Variants in DNAI1 observed in about 807,000 individuals in gnomAD.
DNAI1 encodes the protein dynein, axonemal, intermediate polypeptide 1.
In DNAI1, 67 loss-of-function variants were observed where a neutral mutation model predicts 92.0. The observed-to-expected ratio is 0.73, with a 90% CI of 0.60 to 0.89. DNAI1 has a LOEUF of 0.89. DNAI1 is among the 40% of genes least tolerant of loss of function. DNAI1 has a pLI of 0.00. For synonymous variants in DNAI1, 323 were observed against 319.6 expected, an observed-to-expected ratio of 1.01 and a Z score of -0.11; for missense variants, 839 against 866.6, an observed-to-expected ratio of 0.97 and a Z score of 0.40.
chr9:34,512,482 G>T lies in DNAI1; in HGVS notation c.1489+58G>T, dbSNP rs533372419. 7 of 1,526,292 alleles carry T rather than the reference G, an allele frequency of 4.6e-6. No individual in the cohort carries two copies. The African/African-American group carries it at 6.8e-5, about 15-fold the overall frequency. The allele number at this position is 1,526,292 out of a possible 1,614,324, so 94.5% of individuals were successfully genotyped here. A position where few individuals can be genotyped will look rare whatever the true frequency, so the allele number is the denominator to read the frequency against. ...GGCCAGGTCATTCAGGCCCAGTGAG[G>T]GTCAGTGACAGTGGTCCTTCCCCTG... On this transcript the variant is annotated intron_variant, in intron 15 of 19. Transcript: ENST00000242317.
intron 9 of DNAI1, among the ~76,000 whole-genome samples, chr9:34,495,254 T>G (rs1343854699): frequency 6.6e-6 from 1 of 151,822 alleles, no homozygotes; most frequent in African/African-American, 2.4e-5. Context: ...ACAAGGGAGG[T>G]GACAGCCCAC....
chr9:34,494,274 A>G (rs1042730896), intron 9 of DNAI1, among the ~76,000 whole-genome samples: 1 of 152,106 alleles, frequency 6.6e-6, no homozygotes, highest in Non-Finnish European at 1.5e-5. Context: ...ATTCTGTTTC[A>G]TTATCCTGAT....
intron 1 of DNAI1, among the ~76,000 whole-genome samples, chr9:34,468,530 TAAA>T (rs1000161908): frequency 6.6e-6 from 1 of 151,478 alleles, no homozygotes; most frequent in African/African-American, 2.4e-5. Context: ...GTTTTTCTTG[TAAA>T]AAGAGAGCCT....
At chr9:34,507,053 G>C (rs1824949177) in intron 13 of DNAI1, among the ~76,000 whole-genome samples, 179 bp downstream of exon 13, 1 of 152,204 alleles carries the variant, frequency 6.6e-6, no homozygotes, top group Non-Finnish European at 1.5e-5. Flanking sequence ...GGAGGCAAGA[G>C]GGTCTCCAGT....
intron 13 of DNAI1, among the ~76,000 whole-genome samples, chr9:34,509,347 C>T (rs890871491): frequency 6.6e-6 from 1 of 152,154 alleles, no homozygotes. Flanking sequence ...TTGAAGCACC[C>T]TGCACTTATC....
Position 34,520,819 on chromosome 9 carries a change from A to G in DNAI1, c.*63A>G. The G allele has an allele frequency of 6.7e-7, 1 of 1,502,080 alleles. No homozygotes were observed. Among genetic ancestry groups the G allele is most frequent in the Non-Finnish European group, 9.1e-7 (1 of 1,102,402 alleles). 93.0% of individuals were successfully genotyped at this position (1,502,080 alleles called of 1,614,324 possible). A position where few individuals can be genotyped will look rare whatever the true frequency, so the allele number is the denominator to read the frequency against. The stretch of plus-strand genomic sequence containing the variant: ...AGTACTCCTAGGGCTTGACCCTGGT[A>G]CCCAGCCCAGCCTTAGCACCCAGCA... On this transcript the variant is annotated 3_prime_UTR_variant, in exon 20 of 20. Transcript: ENST00000242317.
chr9:34,512,492 A>G, intron 15 of DNAI1, 68 bp downstream of exon 15: 1 of 1,472,296 alleles, frequency 6.8e-7, no homozygotes, highest in East Asian at 2.3e-5. Context: ...GGTCAGTGAC[A>G]GTGGTCCTTC....
intron 1 of DNAI1, among the ~76,000 whole-genome samples, chr9:34,466,503 C>G (rs1211375098): frequency 2.0e-5 from 3 of 152,188 alleles, no homozygotes; most frequent in Non-Finnish European, 4.4e-5. Context: ...CCCAAGTCTT[C>G]TCTTCTCTTT....
chr9:34,504,859 T>G (rs1824894568), intron 12 of DNAI1, among the ~76,000 whole-genome samples: 1 of 152,190 alleles, frequency 6.6e-6, no homozygotes, highest in African/African-American at 2.4e-5. Flanking sequence ...GGGGAATTTT[T>G]GTTCCTGGAG....
chr9:34,467,079 T>C (rs924046344), intron 1 of DNAI1, among the ~76,000 whole-genome samples: 5 of 152,204 alleles, frequency 3.3e-5, no homozygotes, highest in Non-Finnish European at 7.3e-5. Flanking sequence ...GCTCAGCTCC[T>C]CCAGTGGAAG....
chr9:34,493,437 A>T, intron 9 of DNAI1, 109 bp downstream of exon 9: 1 of 1,443,586 alleles, frequency 6.9e-7, no homozygotes, highest in Admixed American at 1.7e-5. Flanking sequence ...TACTTAAATC[A>T]GGGACTAATG....
At chr9:34,520,427 G>A (rs900702851) in intron 19 of DNAI1, among the ~76,000 whole-genome samples, 3 of 152,176 alleles carry the variant, frequency 2.0e-5, no homozygotes, top group African/African-American at 4.8e-5. Context: ...GTCCATCTGA[G>A]GTTCAAGCCA....
At position 34,517,146 on chromosome 9, in the gene DNAI1, C is replaced by T. The variant is rs998586797; in HGVS notation, c.1819-139C>T. ...GAAAAACACAGAGACACAAAATTCC[C>T]CCTCCCTCCACCTCCAGCTCCAGTG... On this transcript the variant is annotated intron_variant, in intron 18 of 19. Coordinates refer to ENST00000242317, the MANE Select transcript of DNAI1 (RefSeq NM_012144.4). The T allele has an allele frequency of 1.4e-5, 12 of 866,278 alleles. No individual in the cohort carries two copies. The East Asian group carries it at 3.2e-4, about 23-fold the overall frequency. 53.7% of individuals were successfully genotyped at this position (866,278 alleles called of 1,614,324 possible).
chr9:34,468,783 G>GC (rs1824087003), intron 1 of DNAI1, among the ~76,000 whole-genome samples: 1 of 151,300 alleles, frequency 6.6e-6, no homozygotes, highest in Admixed American at 6.6e-5. Flanking sequence ...CTGCGGCTGT[G>GC]CCACTGCAAA....
intron 1 of DNAI1, among the ~76,000 whole-genome samples, chr9:34,482,394 A>C (rs1211534284): frequency 1.4e-5 from 2 of 148,086 alleles, no homozygotes; most frequent in Non-Finnish European, 3.0e-5. Flanking sequence ...GCACGTCCTC[A>C]CCAGAGCAGC....
chr9:34,478,342 A>G (rs1403140024), intron 1 of DNAI1, among the ~76,000 whole-genome samples: 2 of 152,176 alleles, frequency 1.3e-5, no homozygotes, highest in Non-Finnish European at 2.9e-5. Context: ...ATCCCTGGAG[A>G]GGTCAAGGAT....
intron 1 of DNAI1, among the ~76,000 whole-genome samples, chr9:34,483,014 G>A (rs527472356): frequency 2.5e-4 from 38 of 152,348 alleles, no homozygotes; most frequent in Non-Finnish European, 4.4e-4. Flanking sequence ...CGGGTGCTAA[G>A]TCCCCCATTG....
chr9:34,517,615 A>G lies in DNAI1; in HGVS notation c.2001+148A>G, dbSNP rs935548023. On this transcript the variant is annotated intron_variant, in intron 19 of 19. Coordinates refer to ENST00000242317, the MANE Select transcript of DNAI1 (RefSeq NM_012144.4). ...GTGTCATTGCCTGAATGAGGCTCAC[A>G]GTAGAAGCAGGTTTGTGAGAAAACA... 7.1e-6 allele frequency: 7 copies of G among 979,986 alleles called. No individual in the cohort carries two copies. In the Admixed American group the frequency reaches 8.5e-5, roughly 12 times the overall value. 60.7% of individuals were successfully genotyped at this position (979,986 alleles called of 1,614,324 possible).
intron 1 of DNAI1, among the ~76,000 whole-genome samples, chr9:34,467,139 C>G (rs1824053169): frequency 6.6e-6 from 1 of 152,176 alleles, no homozygotes; most frequent in African/African-American, 2.4e-5. Flanking sequence ...TCTGGTAAAT[C>G]TCTTTCTCAT....
Sources: allele counts gnomAD v4.1 joint callset (sites outside exome capture counted in the v4.1 genomes callset), GRCh38; gene constraint gnomAD v4.1.1; transcripts MANE v1.5; gene names NCBI Gene and HGNC (gene_info 2026-07-23, HGNC 2026-07-21).